The following RIT2 variants were observed in gnomAD, a reference collection of about 807,000 sequenced individuals.
The protein encoded by RIT2 is Ras like without CAAX 2, also known as GTP-binding protein Rit2.
Under a neutral mutation model 23.7 loss-of-function variants are expected in RIT2, and 24 were observed. The ratio of observed to expected loss-of-function variants is 1.01; its 90% confidence interval spans 0.73 to 1.43. The LOEUF is 1.43. RIT2 is among the 40% of genes most tolerant of loss of function. The pLI is 0.00. For synonymous variants in RIT2, 107 were observed against 91.1 expected (o/e 1.17, Z -0.99); for missense variants, 236 against 266.9 (o/e 0.88, Z 0.81).
chr18:42,975,418 T>C (rs1910456148), intron 2 of RIT2, among the ~76,000 whole-genome samples: 1 of 152,004 alleles, frequency 6.6e-6, no homozygotes, highest in Admixed American at 6.6e-5. Flanking sequence ...CTGGATTTAG[T>C]TTGCTAGTAT....
At chr18:42,858,367 G>C (rs1907241715) in intron 4 of RIT2, among the ~76,000 whole-genome samples, 1 of 152,132 alleles carries the variant, frequency 6.6e-6, no homozygotes, top group African/African-American at 2.4e-5. Context: ...CTCCCAGTGA[G>C]CCCCAATAGC....
At chr18:43,039,170 A>AT (rs1912065086) in intron 1 of RIT2, among the ~76,000 whole-genome samples, 1 of 152,070 alleles carries the variant, frequency 6.6e-6, no homozygotes, top group African/African-American at 2.4e-5. Context: ...AATTTTCAGT[A>AT]TTTTGGCAAT....
intron 1 of RIT2, among the ~76,000 whole-genome samples, chr18:43,103,975 C>A (rs904764631): frequency 1.3e-5 from 2 of 152,016 alleles, no homozygotes; most frequent in African/African-American, 4.8e-5. Flanking sequence ...CAAAAGGATA[C>A]CTACACCCCC....
At chr18:43,078,909 C>A (rs2144345139) in intron 1 of RIT2, among the ~76,000 whole-genome samples, 1 of 152,236 alleles carries the variant, frequency 6.6e-6, no homozygotes, top group South Asian at 2.1e-4. Context: ...GGAAAAGGAG[C>A]AGGGACACTG....
intron 4 of RIT2, among the ~76,000 whole-genome samples, chr18:42,895,034 T>G (rs1908286289): frequency 6.6e-6 from 1 of 152,172 alleles, no homozygotes; most frequent in African/African-American, 2.4e-5. Context: ...AGAAAGAGGG[T>G]GAATTTCCCT....
intron 4 of RIT2, among the ~76,000 whole-genome samples, chr18:42,789,692 C>A (rs1306786085): frequency 6.6e-6 from 1 of 152,142 alleles, no homozygotes; most frequent in Non-Finnish European, 1.5e-5. Context: ...TAAAATTTCA[C>A]TGAATTCATT....
At chr18:43,040,915 A>C (rs978932336) in intron 1 of RIT2, among the ~76,000 whole-genome samples, 1 of 152,182 alleles carries the variant, frequency 6.6e-6, no homozygotes, top group African/African-American at 2.4e-5. Context: ...AAATTATCTG[A>C]ATAAGCCCCT....
chr18:42,799,723 C>T (rs1265224242), intron 4 of RIT2, among the ~76,000 whole-genome samples: 2 of 152,182 alleles, frequency 1.3e-5, no homozygotes, highest in Non-Finnish European at 2.9e-5. Flanking sequence ...CCATATTTTA[C>T]GTCTCCATCC....
intron 4 of RIT2, among the ~76,000 whole-genome samples, chr18:42,835,638 G>T (rs1406546821): frequency 6.6e-6 from 1 of 152,066 alleles, no homozygotes; most frequent in African/African-American, 2.4e-5. Context: ...GATCTTTAAA[G>T]ATAAGGTTTT....
At chr18:42,790,147 A>C (rs1914009695) in intron 4 of RIT2, among the ~76,000 whole-genome samples, 1 of 152,164 alleles carries the variant, frequency 6.6e-6, no homozygotes, top group South Asian at 2.1e-4. Context: ...TTTCACATAG[A>C]ATCTTTACAA....
chr18:43,097,542 A>G (rs767695324), intron 1 of RIT2, among the ~76,000 whole-genome samples: 1 of 151,910 alleles, frequency 6.6e-6, no homozygotes, highest in South Asian at 2.1e-4. Flanking sequence ...AAAGAGTAGG[A>G]TATCTTATGC....
intron 2 of RIT2, among the ~76,000 whole-genome samples, chr18:43,032,757 T>C (rs2144282942): frequency 6.6e-6 from 1 of 152,252 alleles, no homozygotes; most frequent in East Asian, 1.9e-4. Flanking sequence ...TAATCAGACA[T>C]TTAAAAATAA....
chr18:42,917,669 TTAAA>T (rs1450047550), intron 4 of RIT2, among the ~76,000 whole-genome samples: 1 of 152,166 alleles, frequency 6.6e-6, no homozygotes, highest in Non-Finnish European at 1.5e-5. Flanking sequence ...TTGTTCAAAC[TTAAA>T]TAAAATCCAA....
At chr18:42,802,688 G>A (rs1258844149) in intron 4 of RIT2, among the ~76,000 whole-genome samples, 1 of 152,124 alleles carries the variant, frequency 6.6e-6, no homozygotes, top group South Asian at 2.1e-4. Flanking sequence ...ACATATGAAA[G>A]TTTTCTTGCT....
intron 4 of RIT2, among the ~76,000 whole-genome samples, chr18:42,851,675 C>A (rs923121700): frequency 6.6e-6 from 1 of 151,934 alleles, no homozygotes; most frequent in African/African-American, 2.4e-5. Flanking sequence ...CATGGTGAAA[C>A]CCCGTCTCTA....
intron 1 of RIT2, among the ~76,000 whole-genome samples, chr18:43,040,285 G>A (rs181699707): frequency 6.2e-4 from 94 of 152,256 alleles, no homozygotes; most frequent in African/African-American, 2.2e-3. Context: ...GATGGAAATA[G>A]GTGCCCTGGC....
intron 2 of RIT2, among the ~76,000 whole-genome samples, chr18:43,023,019 C>A (rs1475206298): frequency 6.6e-6 from 1 of 152,046 alleles, no homozygotes; most frequent in Non-Finnish European, 1.5e-5. Context: ...ATTGCAAGAC[C>A]AATGCAGTCG....
At chr18:43,025,527 A>G (rs1911696425) in intron 2 of RIT2, among the ~76,000 whole-genome samples, 1 of 152,094 alleles carries the variant, frequency 6.6e-6, no homozygotes, top group Non-Finnish European at 1.5e-5. Context: ...CATGGAATCA[A>G]ACTAAGTGTC....
chr18:43,061,691 A>T (rs1912650151), intron 1 of RIT2, among the ~76,000 whole-genome samples: 1 of 152,096 alleles, frequency 6.6e-6, no homozygotes, highest in Non-Finnish European at 1.5e-5. Context: ...ATCAGCAAGT[A>T]GTCCCCCATT....
Sources: gnomAD v4.1 joint callset for allele counts (sites outside exome capture counted in the v4.1 genomes callset) on GRCh38, gnomAD v4.1.1 for gene constraint, MANE v1.5 for transcripts, NCBI Gene and HGNC (gene_info 2026-07-23, HGNC 2026-07-21) for gene names.